The following MED12L variants were observed in gnomAD, a reference collection of about 807,000 sequenced individuals.
MED12L encodes mediator complex subunit 12L.
Under a neutral mutation model 281.3 loss-of-function variants are expected in MED12L, and 60 were observed. That is an observed-to-expected ratio of 0.21 (90% CI 0.17 to 0.26). MED12L has a LOEUF of 0.26. Among genes scored for constraint, MED12L ranks in the 10% least tolerant of loss-of-function variants. The pLI, the probability that MED12L is intolerant of heterozygous loss-of-function variation, is 1.00. For missense variants in MED12L, 2,146 were observed against 2,680.9 expected, an observed-to-expected ratio of 0.80 and a Z score of 4.41; for synonymous variants, 974 against 987.2, an observed-to-expected ratio of 0.99 and a Z score of 0.25.
At chr3:151,120,975 T>A (rs1713661096) in intron 3 of MED12L, among the ~76,000 whole-genome samples, 1 of 152,342 alleles carries the variant, frequency 6.6e-6, no homozygotes, top group African/African-American at 2.4e-5. Flanking sequence ...TTGCTATCAT[T>A]AAGTATATAG....
intron 11 of MED12L, among the ~76,000 whole-genome samples, chr3:151,167,211 T>C (rs1159866365): frequency 1.3e-5 from 2 of 152,256 alleles, no homozygotes. Context: ...TAGCAATAGA[T>C]TGTTTCATGA....
intron 21 of MED12L, 123 bp from the exon 22 acceptor site, chr3:151,364,856 T>C (rs1300934170): frequency 2.9e-6 from 2 of 691,348 alleles, no homozygotes; most frequent in African/African-American, 1.8e-5. Flanking sequence ...TAAGAACTCA[T>C]AATGTGAATC....
rs186893035 is a variant in MED12L, at chr3:151,338,108, A to G, written c.2251-11951A>G. 1.3e-4 allele frequency: 208 copies of G among 1,614,056 alleles called. 1 individual carries two copies. Among genetic ancestry groups the G allele is most frequent in the Admixed American group, 7.8e-4 (47 of 59,970 alleles). Reference sequence around the variant, plus strand: ...CAAAATGGAAAGGAACAAAACAAATAAAGAATACAGCAATGATAATGAAAA... The same window carrying G: ...CAAAATGGAAAGGAACAAAACAAATGAAGAATACAGCAATGATAATGAAAA... On this transcript the variant is annotated intron_variant, in intron 16 of 44. Coordinates refer to ENST00000687756, the MANE Select transcript of MED12L (RefSeq NM_001393769.1).
chr3:151,178,389 A>G (rs1467516851), intron 11 of MED12L, among the ~76,000 whole-genome samples: 1 of 140,150 alleles, frequency 7.1e-6, no homozygotes, highest in Non-Finnish European at 1.5e-5. Context: ...TGCATGTTAC[A>G]TAGGAGTAAA....
intron 39 of MED12L, among the ~76,000 whole-genome samples, chr3:151,402,388 T>A (rs967669334): frequency 6.6e-6 from 1 of 152,240 alleles, no homozygotes; most frequent in African/African-American, 2.4e-5. Context: ...GGTCGCACTA[T>A]AAATATTTGC....
intron 33 of MED12L, 70 bp downstream of exon 33, chr3:151,382,815 C>T (rs946781795): frequency 1.1e-5 from 14 of 1,275,958 alleles, no homozygotes; most frequent in Non-Finnish European, 1.4e-5. Context: ...CAGCTTTCCA[C>T]TTCTCCTAAG....
chr3:151,269,436 CACACAA>C (rs1450808850), intron 16 of MED12L: 18 of 211,340 alleles, frequency 8.5e-5, no homozygotes, highest in African/African-American at 4.6e-4. Context: ...CACACACACA[CACACAA>C]AATTCAGAGA....
At chr3:151,288,979 T>A (rs977370139) in intron 16 of MED12L, among the ~76,000 whole-genome samples, 4 of 152,172 alleles carry the variant, frequency 2.6e-5, no homozygotes, top group African/African-American at 9.7e-5. Context: ...AAGTGTGTAG[T>A]TGTGTTGCCT....
intron 43 of MED12L, among the ~76,000 whole-genome samples, chr3:151,429,423 G>A (rs1420347738): frequency 1.3e-5 from 2 of 152,172 alleles, no homozygotes; most frequent in Admixed American, 6.5e-5. Flanking sequence ...AGAACGCCTC[G>A]TTTATGACAG....
chr3:151,206,213 T>C (rs1726334839), intron 16 of MED12L, among the ~76,000 whole-genome samples: 1 of 152,108 alleles, frequency 6.6e-6, no homozygotes, highest in African/African-American at 2.4e-5. Flanking sequence ...AAGTGAAATG[T>C]AGACGTATGG....
chr3:151,329,610 A>G (rs1446151832), intron 16 of MED12L: 4 of 984,438 alleles, frequency 4.1e-6, no homozygotes, highest in Non-Finnish European at 1.5e-6. Flanking sequence ...TACTTATGTA[A>G]TGTGACCCAT....
Position 151,246,468 on chromosome 3 carries a change from A to G in MED12L, c.2250+52802A>G, listed in dbSNP as rs537720663. 2.1e-4 allele frequency among the ~76,000 whole-genome samples: 32 copies of G among 152,210 alleles called. No homozygotes were observed. In the South Asian group the frequency reaches 3.7e-3, roughly 18 times the overall value. ...ACAGAGCCCTCAGAAATAACGCCGC[A>G]TATCTACAACTCTCTGATCTTTGAC... On this transcript the variant is annotated intron_variant, in intron 16 of 44. Coordinates refer to ENST00000687756, the MANE Select transcript of MED12L (RefSeq NM_001393769.1).
chr3:151,234,455 A>G (rs1313707191), intron 16 of MED12L, among the ~76,000 whole-genome samples: 2 of 152,234 alleles, frequency 1.3e-5, no homozygotes, highest in Non-Finnish European at 2.9e-5. Context: ...AAAATATTGC[A>G]TCCTACTGAA....
Position 151,411,479 on chromosome 3 carries a change from T to C in MED12L, c.6112T>C (p.Tyr2038His). Residue 2038 changes from tyrosine to histidine, a missense_variant, in exon 41 of 45, where the codon TAC becomes CAC. Coordinates refer to ENST00000687756, the MANE Select transcript of MED12L (RefSeq NM_001393769.1). ...CTATGTTCAGCAGCAGGCCTCGCCGTACCTGCAGCCCCTGACTGGCTCTCA... is the reference window on the plus strand; with the variant it reads ...CTATGTTCAGCAGCAGGCCTCGCCGCACCTGCAGCCCCTGACTGGCTCTCA... ...SGYVQQQASP[Y>H]LQPLTGSQRL... 1 of 1,614,242 alleles carries C rather than the reference T, an allele frequency of 6.2e-7. No individual in the cohort carries two copies. The highest frequency in any genetic ancestry group is 8.5e-7 in the Non-Finnish European group (1 of 1,180,030).
intron 33 of MED12L, 103 bp downstream of exon 33, chr3:151,382,848 G>A (rs1347877290): frequency 2.4e-6 from 2 of 823,098 alleles, no homozygotes; most frequent in East Asian, 2.8e-5. Context: ...ATTACAAGGT[G>A]AGGCCTTCCA....
intron 16 of MED12L, among the ~76,000 whole-genome samples, chr3:151,244,676 A>C (rs1326824202): frequency 2.0e-5 from 3 of 151,128 alleles, no homozygotes; most frequent in Non-Finnish European, 4.4e-5. Flanking sequence ...GAAAGATCCA[A>C]AATTGACACC....
At chr3:151,116,483 G>C in intron 3 of MED12L, 41 bp downstream of exon 3, 1 of 1,275,000 alleles carries the variant, frequency 7.8e-7, no homozygotes, top group Non-Finnish European at 1.1e-6. Context: ...CTGAAAAAGT[G>C]TGTATATGTG....
chr3:151,292,399 G>A (rs926087356), intron 16 of MED12L, among the ~76,000 whole-genome samples: 3 of 150,536 alleles, frequency 2.0e-5, no homozygotes, highest in African/African-American at 4.9e-5. Flanking sequence ...AGATTCTCCT[G>A]CCTCAGCCTT....
At chr3:151,156,641 T>TA (rs1486687359) in intron 6 of MED12L, among the ~76,000 whole-genome samples, 4 of 152,216 alleles carry the variant, frequency 2.6e-5, no homozygotes, top group Non-Finnish European at 5.9e-5. Context: ...TATATTTATT[T>TA]AAAAACACCT....
Sources: allele counts gnomAD v4.1 joint callset (sites outside exome capture counted in the v4.1 genomes callset), GRCh38; gene constraint gnomAD v4.1.1; transcripts MANE v1.5; gene names NCBI Gene and HGNC (gene_info 2026-07-23, HGNC 2026-07-21).